The following LHPP variants were observed in gnomAD, a reference collection of about 807,000 sequenced individuals.
LHPP encodes phospholysine phosphohistidine inorganic pyrophosphate phosphatase.
In LHPP, 24 loss-of-function variants were observed where a neutral mutation model predicts 30.3. The observed-to-expected ratio is 0.79, with a 90% confidence interval of 0.57 to 1.11. The LOEUF (loss-of-function observed/expected upper bound fraction) is 1.11, where lower values mean the gene tolerates loss of function less well. Among genes scored for constraint, LHPP ranks in the 50% most tolerant of loss-of-function variants. The pLI, the probability that LHPP is intolerant of heterozygous loss-of-function variation, is 0.00. For synonymous variants in LHPP, 150 were observed against 157.1 expected (o/e 0.95, Z 0.34); for missense variants, 356 against 367.2 (o/e 0.97, Z 0.25).
chr10:124,486,312 G>A (rs561803237), intron 2 of LHPP, among the ~76,000 whole-genome samples: 12 of 152,228 alleles, frequency 7.9e-5, no homozygotes, highest in South Asian at 2.1e-4. Context: ...GATTTTTTCC[G>A]TTATAAATAA....
intron 6 of LHPP, among the ~76,000 whole-genome samples, chr10:124,588,121 C>A (rs576007831): frequency 1.3e-5 from 2 of 152,336 alleles, no homozygotes; most frequent in South Asian, 2.1e-4. Flanking sequence ...ACGTGACCCA[C>A]TGAACAGACA....
At chr10:124,501,982 G>A (rs953707297) in intron 5 of LHPP, among the ~76,000 whole-genome samples, 1 of 151,890 alleles carries the variant, frequency 6.6e-6, no homozygotes, top group Non-Finnish European at 1.5e-5. Flanking sequence ...GGGCAGCTCA[G>A]GGAACTCCTA....
chr10:124,482,854 A>G (rs1232339868), intron 1 of LHPP, among the ~76,000 whole-genome samples: 1 of 151,878 alleles, frequency 6.6e-6, no homozygotes, highest in Non-Finnish European at 1.5e-5. Context: ...CTCAGTCACA[A>G]ATTGCCCTTC....
chr10:124,537,209 C>T (rs1049618750), intron 6 of LHPP, among the ~76,000 whole-genome samples: 3 of 152,214 alleles, frequency 2.0e-5, no homozygotes, highest in South Asian at 2.1e-4. Context: ...GGCCCCACCT[C>T]ACTCGCCCAG....
At chr10:124,527,462 C>T (rs1249755217) in intron 6 of LHPP, among the ~76,000 whole-genome samples, 1 of 152,230 alleles carries the variant, frequency 6.6e-6, no homozygotes, top group Non-Finnish European at 1.5e-5. Context: ...ACCCGGTGTG[C>T]TCCTCTAGCT....
At chr10:124,583,943 G>C (rs1414853688) in intron 6 of LHPP, among the ~76,000 whole-genome samples, 1 of 152,190 alleles carries the variant, frequency 6.6e-6, no homozygotes, top group African/African-American at 2.4e-5. Flanking sequence ...AAATTAGGAA[G>C]TATGAATCTT....
At chr10:124,611,273 G>A (rs1949194280) in intron 6 of LHPP, among the ~76,000 whole-genome samples, 1 of 152,054 alleles carries the variant, frequency 6.6e-6, no homozygotes, top group African/African-American at 2.4e-5. Flanking sequence ...AGAACACAGG[G>A]CTGGGAGTAG....
intron 6 of LHPP, among the ~76,000 whole-genome samples, chr10:124,534,949 G>T (rs568174508): frequency 3.9e-5 from 6 of 152,220 alleles, no homozygotes; most frequent in African/African-American, 1.4e-4. Context: ...GAAAGATTTC[G>T]CCATGGGAAA....
At chr10:124,530,487 C>T (rs1380251137) in intron 6 of LHPP, among the ~76,000 whole-genome samples, 1 of 152,138 alleles carries the variant, frequency 6.6e-6, no homozygotes, top group Non-Finnish European at 1.5e-5. Context: ...CCAGGCCACA[C>T]ATCCACAGGT....
At chr10:124,513,884 G>A (rs1383701916) in intron 5 of LHPP, among the ~76,000 whole-genome samples, 1 of 151,918 alleles carries the variant, frequency 6.6e-6, no homozygotes, top group East Asian at 1.9e-4. Flanking sequence ...CAGCCACACT[G>A]GCGAGGACTG....
intron 6 of LHPP, among the ~76,000 whole-genome samples, chr10:124,554,742 C>G (rs1948263540): frequency 6.6e-6 from 1 of 152,212 alleles, no homozygotes; most frequent in Admixed American, 6.5e-5. Flanking sequence ...GGTCCCAGGG[C>G]TCACTTTTGC....
intron 6 of LHPP, among the ~76,000 whole-genome samples, chr10:124,605,962 T>C (rs1949087009): frequency 6.6e-6 from 1 of 152,052 alleles, no homozygotes. Flanking sequence ...TGCAGCCACA[T>C]GCCTCCCAGC....
At chr10:124,515,678 G>C (rs960525099) in intron 5 of LHPP, among the ~76,000 whole-genome samples, 54 of 152,138 alleles carry the variant, frequency 3.5e-4, no homozygotes, top group Admixed American at 3.3e-4. Context: ...TTAAGATTTG[G>C]GGGCAGCACC....
At chr10:124,589,648 T>G (rs1459786702) in intron 6 of LHPP, among the ~76,000 whole-genome samples, 2 of 152,240 alleles carry the variant, frequency 1.3e-5, no homozygotes, top group African/African-American at 4.8e-5. Context: ...ATCACCCATC[T>G]GAGATCGGCC....
chr10:124,572,154 C>G (rs1948592983), intron 6 of LHPP, among the ~76,000 whole-genome samples: 1 of 152,168 alleles, frequency 6.6e-6, no homozygotes, highest in South Asian at 2.1e-4. Context: ...CCATCACGGG[C>G]CTTGCACAGA....
chr10:124,489,826 C>T (rs1953466154), intron 3 of LHPP: 1 of 207,138 alleles, frequency 4.8e-6, no homozygotes, highest in Non-Finnish European at 9.7e-6. Flanking sequence ...ACCAGTTTTA[C>T]TGAGGTGGCT....
At chr10:124,555,795 A>G (rs1948288309) in intron 6 of LHPP, among the ~76,000 whole-genome samples, 1 of 152,302 alleles carries the variant, frequency 6.6e-6, no homozygotes, top group Middle Eastern at 3.4e-3. Flanking sequence ...CTTATTGATA[A>G]TAAAACCACT....
At chr10:124,491,885 A>G (rs1343757629) in intron 3 of LHPP, among the ~76,000 whole-genome samples, 1 of 152,252 alleles carries the variant, frequency 6.6e-6, no homozygotes, top group Non-Finnish European at 1.5e-5. Context: ...AGACTGCGCC[A>G]TTGCACTCTA....
intron 6 of LHPP, among the ~76,000 whole-genome samples, chr10:124,529,677 G>A (rs1221801832): frequency 6.6e-6 from 1 of 152,162 alleles, no homozygotes; most frequent in Non-Finnish European, 1.5e-5. Flanking sequence ...CCGTGAGGGG[G>A]AGGACGAGGG....
Sources: gnomAD v4.1 joint callset for allele counts (sites outside exome capture counted in the v4.1 genomes callset) on GRCh38, gnomAD v4.1.1 for gene constraint, MANE v1.5 for transcripts, NCBI Gene and HGNC (gene_info 2026-07-23, HGNC 2026-07-21) for gene names.